CCNE2: variants seen among roughly 807,000 people sequenced by gnomAD.
CCNE2 encodes G1/S-specific cyclin-E2.
A neutral mutation model predicts 56.8 loss-of-function variants in CCNE2; 18 were observed. That is an observed-to-expected ratio of 0.32 (90% CI 0.22 to 0.47). The LOEUF (loss-of-function observed/expected upper bound fraction) is 0.47. Among genes scored for constraint, CCNE2 ranks in the 20% least tolerant of loss-of-function variants. The probability of loss-of-function intolerance (pLI) is 1.00; values close to 1 mark genes in which losing one functional copy is unlikely to be tolerated. For synonymous variants in CCNE2, 139 were observed against 149.2 expected (o/e 0.93, Z 0.50); for missense variants, 371 against 467.1 (o/e 0.79, Z 1.90).
At chr8:94,884,031 A>G in intron 9 of CCNE2, 1 of 344,258 alleles carries the variant, frequency 2.9e-6, no homozygotes, top group South Asian at 2.2e-5. Flanking sequence ...GCTGCCTAGG[A>G]CAATTTGGGA....
At chr8:94,891,751 G>A in intron 5 of CCNE2, 2 of 1,025,798 alleles carry the variant, frequency 1.9e-6, no homozygotes, top group Non-Finnish European at 3.0e-6. Flanking sequence ...CAATGGTGGA[G>A]TTGGTAGGTG....
rs750532180 is a variant in CCNE2, at chr8:94,894,068, G to C, written c.66C>G (p.Pro22=). The part of the protein sequence containing the change: ...QQPQPSQTES[P]QEAQIIQAKK... ...TGGCCTGGATTATCTGGGCTTCTTGGGGGGATTCCGTCTGGCTGGGCTGGG... is the reference window on the plus strand; with the variant it reads ...TGGCCTGGATTATCTGGGCTTCTTGCGGGGATTCCGTCTGGCTGGGCTGGG... The change falls in exon 3 of 12, where the codon CCC becomes CCG. Residue 22 remains proline (P), a synonymous_variant. Coordinates refer to ENST00000308108, the MANE Select transcript of CCNE2 (RefSeq NM_057749.3). The C allele has an allele frequency of 1.2e-6, 2 of 1,613,632 alleles. No homozygotes were observed. The highest frequency in any genetic ancestry group is 1.3e-5 in the African/African-American group (1 of 74,850).
intron 9 of CCNE2, among the ~76,000 whole-genome samples, chr8:94,884,309 C>A (rs952491543): frequency 6.6e-6 from 1 of 150,450 alleles, no homozygotes; most frequent in South Asian, 2.1e-4. Context: ...AGATTACTTA[C>A]GAGAAGTAAG....
At chr8:94,881,900 T>C (rs1816832582) in intron 11 of CCNE2, 155 bp from the exon 12 acceptor site, 7 of 950,028 alleles carry the variant, frequency 7.4e-6, no homozygotes, top group Admixed American at 3.0e-5. Context: ...TGTAACGTTA[T>C]ATATTTTTTA....
At chr8:94,896,271 C>T (rs1047936876), upstream of CCNE2, among the ~76,000 whole-genome samples, 3 of 148,318 alleles carry the variant, frequency 2.0e-5, no homozygotes, top group South Asian at 2.1e-4. Context: ...GCGCCCCGCC[C>T]CGCCGCCGCC....
intron 6 of CCNE2, among the ~76,000 whole-genome samples, chr8:94,888,577 C>G (rs1817117431): frequency 6.6e-6 from 1 of 151,790 alleles, no homozygotes; most frequent in South Asian, 2.1e-4. Flanking sequence ...ACTTTGTCAC[C>G]CAGGCTGGAG....
At chr8:94,893,645 G>C in intron 4 of CCNE2, 1 of 529,258 alleles carries the variant, frequency 1.9e-6, no homozygotes, top group East Asian at 3.2e-5. Context: ...TGGTGCACCA[G>C]GCAGTTCCAA....
chr8:94,889,266 A>C (rs907442517), intron 6 of CCNE2, among the ~76,000 whole-genome samples: 2 of 152,254 alleles, frequency 1.3e-5, no homozygotes, highest in African/African-American at 4.8e-5. Flanking sequence ...ATGTTGAATC[A>C]AGTTTGCATT....
intron 6 of CCNE2, among the ~76,000 whole-genome samples, chr8:94,889,135 C>T (rs1175144253): frequency 2.0e-5 from 3 of 149,322 alleles, no homozygotes; most frequent in South Asian, 2.1e-4. Context: ...GTGACAACAG[C>T]GAGGCTCCGT....
chr8:94,895,281 G>T, upstream of CCNE2: 2 of 984,182 alleles, frequency 2.0e-6, no homozygotes, highest in Non-Finnish European at 2.4e-6. Context: ...GACACCTCCG[G>T]ACAGCGCGCT....
chr8:94,895,900 G>C (rs913652559), upstream of CCNE2: 1 of 153,626 alleles, frequency 6.5e-6, no homozygotes, highest in African/African-American at 2.4e-5. Context: ...GCGCGCCCAG[G>C]GAAGGCATTT....
rs563848436 is a variant in CCNE2 at position 94,880,684 on chromosome 8, G to C, written c.*948C>G. The C allele has an allele frequency of 5.1e-6, 2 of 393,838 alleles. No individual in the cohort carries two copies. The highest frequency in any genetic ancestry group is 4.5e-6 in the Non-Finnish European group (1 of 223,728). 24.4% of individuals were successfully genotyped at this position (393,838 alleles called of 1,614,324 possible). A position where few individuals can be genotyped will look rare whatever the true frequency, so the allele number is the denominator to read the frequency against. On this transcript the variant is annotated 3_prime_UTR_variant, in exon 12 of 12. Transcript: ENST00000308108. ...TGTTAAGCTTTATCACTTTGACACT[G>C]TCCTTATCTCACAATGGAGGAATTT...
chr8:94,881,722 G>A lies in CCNE2; in HGVS notation c.1125C>T (p.Thr375=), dbSNP rs758907019. 6.2e-6 allele frequency: 10 copies of A among 1,613,470 alleles called. No homozygotes were observed. Among genetic ancestry groups the A allele is most frequent in the East Asian group, 2.2e-5 (1 of 44,850 alleles). ...AMLEEVNYIN[T]FRKGGQLSPV... is the part of the protein sequence containing the mutation. ...GTGACAACTGTCCCCCTTTTCTGAA[G>A]GTGTTTATGTAATTTACTTCCTCCT... The change falls in exon 12 of 12, where the codon ACC becomes ACT. Residue 375 remains threonine, a synonymous_variant. Transcript: ENST00000308108.
At chr8:94,891,064 T>G (rs1406574042) in intron 5 of CCNE2, among the ~76,000 whole-genome samples, 1 of 152,222 alleles carries the variant, frequency 6.6e-6, no homozygotes, top group East Asian at 1.9e-4. Context: ...CAATTTCCTT[T>G]GCATGAATAA....
At chr8:94,885,419 A>C in intron 8 of CCNE2, 44 bp downstream of exon 8, 1 of 1,253,830 alleles carries the variant, frequency 8.0e-7, no homozygotes, top group Non-Finnish European at 1.1e-6. Flanking sequence ...TTACTTAGTA[A>C]CATGGTTTCT....
chr8:94,889,755 A>G (rs929335529), intron 6 of CCNE2, among the ~76,000 whole-genome samples: 3 of 152,236 alleles, frequency 2.0e-5, no homozygotes, highest in East Asian at 1.9e-4. Context: ...TGTCATCAAC[A>G]TAAGTAATGA....
chr8:94,887,233 C>T (rs180692357), intron 7 of CCNE2, among the ~76,000 whole-genome samples: 4 of 152,188 alleles, frequency 2.6e-5, no homozygotes, highest in East Asian at 1.9e-4. Flanking sequence ...TGGCCGGGTG[C>T]GGTGGCTCAT....
chr8:94,893,730 T>C (rs1353601860), intron 4 of CCNE2, 161 bp downstream of exon 4: 2 of 707,028 alleles, frequency 2.8e-6, no homozygotes, highest in Non-Finnish European at 4.8e-6. Context: ...TTCGGGCACA[T>C]AGAAACCACC....
chr8:94,894,908 C>T (rs1012661921), intron 1 of CCNE2, among the ~76,000 whole-genome samples: 1 of 152,168 alleles, frequency 6.6e-6, no homozygotes, highest in Non-Finnish European at 1.5e-5. Context: ...GGGGACCCGG[C>T]CTCCCATCCT....
Sources: allele counts gnomAD v4.1 joint callset (sites outside exome capture counted in the v4.1 genomes callset), GRCh38; gene constraint gnomAD v4.1.1; transcripts MANE v1.5; gene names NCBI Gene and HGNC (gene_info 2026-07-23, HGNC 2026-07-21).